Variants in KIF27 observed in about 807,000 individuals in gnomAD.
KIF27 encodes kinesin-like protein KIF27.
A neutral mutation model predicts 141.8 loss-of-function variants in KIF27; 84 were observed. That is an observed-to-expected ratio of 0.59 (90% CI 0.50 to 0.71). KIF27 has a LOEUF of 0.71. Ranked by LOEUF, KIF27 falls within the 30% of genes least tolerant of loss-of-function variation. KIF27 has a pLI of 0.00. For missense variants in KIF27, 1,306 were observed against 1,628.4 expected (o/e 0.80, Z 3.41); for synonymous variants, 471 against 569.5 (o/e 0.83, Z 2.46).
At chr9:83,907,342 T>TAAA (rs1564000641) in intron 3 of KIF27, among the ~76,000 whole-genome samples, 36 of 147,890 alleles carry the variant, frequency 2.4e-4, no homozygotes, top group African/African-American at 8.7e-4. Flanking sequence ...AAATAAATAA[T>TAAA]ATGTACATAG....
intron 11 of KIF27, among the ~76,000 whole-genome samples, chr9:83,877,209 A>G (rs1951271720): frequency 6.6e-6 from 1 of 152,166 alleles, no homozygotes; most frequent in Non-Finnish European, 1.5e-5. Context: ...TTTTGTGGTA[A>G]GAGTACCTGA....
At chr9:83,891,253 T>C (rs1397041196) in intron 6 of KIF27, 42 bp downstream of exon 6, 3 of 1,563,538 alleles carry the variant, frequency 1.9e-6, no homozygotes, top group East Asian at 4.5e-5. Flanking sequence ...TGGCTAAAAT[T>C]TTTTTAATCT....
chr9:83,920,973 C>T (rs1046748207), intron 1 of KIF27, among the ~76,000 whole-genome samples: 7 of 152,138 alleles, frequency 4.6e-5, no homozygotes, highest in Non-Finnish European at 7.4e-5. Context: ...GTGGTGGTGG[C>T]CCTCGCGTCG....
chr9:83,891,326 A>C lies in KIF27; in HGVS notation c.1778T>G (p.Ile593Ser). The C allele has an allele frequency of 6.2e-7, 1 of 1,613,442 alleles. No homozygotes were observed. Among genetic ancestry groups the C allele is most frequent in the Non-Finnish European group, 8.5e-7 (1 of 1,179,564 alleles). Reference sequence around the variant, plus strand: ...GGAATCTTGTCTTGATGGGATATAAATATAATGCCCCAAATGAGTATCAAA... The same window carrying C: ...GGAATCTTGTCTTGATGGGATATAACTATAATGCCCCAAATGAGTATCAAA... Reference protein sequence around the residue: ...VPFDTHLGHYIYIPSRQDSRK... With the variant: ...VPFDTHLGHYSYIPSRQDSRK... The change falls in exon 6 of 18, where the codon ATT becomes AGT. Residue 593 changes from isoleucine to serine, a missense_variant. Ile to Ser is a moderately radical substitution (Grantham distance 142, BLOSUM62 -2). Around this residue, in one of 4 missense-constraint regions of KIF27, gnomAD observed 596 missense variants for 751.6 expected, o/e 0.79. Transcript: ENST00000297814.
At position 83,835,150 on chromosome 9, in the gene KIF27, T is replaced by C. The variant is rs930306309; in HGVS notation, c.*1851A>G. Among the ~76,000 whole-genome samples the C allele has an allele frequency of 1.3e-5, 2 of 149,988 alleles. No homozygotes were observed. Among genetic ancestry groups the C allele is most frequent in the African/African-American group, 4.9e-5 (2 of 40,992 alleles). On this transcript the variant is annotated 3_prime_UTR_variant, in exon 18 of 18. Coordinates refer to ENST00000297814, the MANE Select transcript of KIF27 (RefSeq NM_017576.4). Reference sequence around the variant, plus strand: ...ATACAAACACATTTCCTTATATACTTGTATATGTACAAGTGTATATACATA... The same window carrying C: ...ATACAAACACATTTCCTTATATACTCGTATATGTACAAGTGTATATACATA...
At chr9:83,840,879 A>G (rs964069799) in intron 17 of KIF27, among the ~76,000 whole-genome samples, 3 of 152,146 alleles carry the variant, frequency 2.0e-5, no homozygotes, top group African/African-American at 7.2e-5. Context: ...ATACTGAACC[A>G]GCAGTCAGAA....
Position 83,903,074 on chromosome 9 carries a change from GCT to G in KIF27, c.1442_1443del (p.Glu481AlafsTer2). The stretch of plus-strand genomic sequence containing the variant: ...TGTCTAAGTACCTGGCATTTCTTAA[GCT>G]CTCTCTTCAGCTGGAGAACTGTAAC... ...QHVTVLQLKRELKKCQCVLAA... is the reference protein window; with the variant it reads ...QHVTVLQLKRXLKKCQCVLAA... On this transcript the variant is annotated frameshift_variant, in exon 4 of 18. Transcript: ENST00000297814. LOFTEE classifies it high-confidence loss of function. 5 of 1,607,602 alleles carry G rather than the reference GCT, an allele frequency of 3.1e-6. No homozygotes were observed. Among genetic ancestry groups the G allele is most frequent in the Non-Finnish European group, 4.3e-6 (5 of 1,175,342 alleles).
chr9:83,859,264 T>A lies in KIF27; in HGVS notation c.3042A>T (p.Thr1014=), dbSNP rs1949609602. The A allele has an allele frequency of 1.2e-6, 2 of 1,613,970 alleles. No homozygotes were observed. The highest frequency in any genetic ancestry group is 3.3e-5 in the Admixed American group (2 of 60,004). Reference sequence around the variant, plus strand: ...GGACTTCAACTTGTTCTGAAATCTTTGTTTTCTCCTCAGCTGTACTGGTCT... The same window carrying A: ...GGACTTCAACTTGTTCTGAAATCTTAGTTTTCTCCTCAGCTGTACTGGTCT... ...QLQTSTAEEK[T]KISEQVEVLQ... Residue 1014 remains threonine (T), a synonymous_variant, in exon 14 of 18, where the codon ACA becomes ACT. Coordinates refer to ENST00000297814, the MANE Select transcript of KIF27 (RefSeq NM_017576.4).
Position 83,850,306 on chromosome 9 carries a change from T to A in KIF27, c.3358-9A>T. On this transcript the variant is annotated splice_polypyrimidine_tract_variant and intron_variant, in intron 15 of 17. Transcript: ENST00000297814. ...TCTCGCAAATTCACCACCTAACAAATACATATTTTGACCTGTTAAGTGTGT... is the reference window on the plus strand; with the variant it reads ...TCTCGCAAATTCACCACCTAACAAAAACATATTTTGACCTGTTAAGTGTGT... 6.3e-7 allele frequency: 1 copy of A among 1,595,622 alleles called. No individual in the cohort carries two copies. Among genetic ancestry groups the A allele is most frequent in the Non-Finnish European group, 8.6e-7 (1 of 1,163,366 alleles).
chr9:83,883,419 A>G (rs1359796279), intron 10 of KIF27, among the ~76,000 whole-genome samples: 1 of 152,248 alleles, frequency 6.6e-6, no homozygotes, highest in African/African-American at 2.4e-5. Flanking sequence ...TTCTTAAGCC[A>G]ATCAGTTATG....
chr9:83,888,731 A>G, intron 7 of KIF27, 139 bp from the exon 8 acceptor site: 1 of 489,580 alleles, frequency 2.0e-6, no homozygotes, highest in Non-Finnish European at 3.5e-6. Context: ...ATATTGCTCA[A>G]AATAAAAGGA....
chr9:83,875,388 G>A (rs1370206012), intron 11 of KIF27, among the ~76,000 whole-genome samples: 2 of 152,140 alleles, frequency 1.3e-5, no homozygotes, highest in Admixed American at 1.3e-4. Flanking sequence ...AAGAGAGCAG[G>A]GAGTGGGGAA....
At chr9:83,883,401 A>G (rs1325120943) in intron 10 of KIF27, among the ~76,000 whole-genome samples, 2 of 152,234 alleles carry the variant, frequency 1.3e-5, no homozygotes, top group Admixed American at 1.3e-4. Flanking sequence ...ACACAAAGTT[A>G]TTAACCTTTC....
chr9:83,854,028 T>TAAACACACACACAC (rs1948909676), intron 14 of KIF27, among the ~76,000 whole-genome samples, 193 bp from the exon 15 acceptor site: 1 of 152,200 alleles, frequency 6.6e-6, no homozygotes, highest in Admixed American at 6.5e-5. Flanking sequence ...TACACACACA[T>TAAACACACACACAC]AAACACACAC....
Position 83,896,051 on chromosome 9 carries a change from C to CA in KIF27, c.1602+3609dup, listed in dbSNP as rs35504224. 9.6e-3 allele frequency among the ~76,000 whole-genome samples: 523 copies of CA among 54,336 alleles called. 5 individuals carry two copies. Among genetic ancestry groups the CA allele is most frequent in the East Asian group, 0.014 (22 of 1,568 alleles). The allele number at this position is 54,336 out of a possible 152,430, so 35.6% of individuals were successfully genotyped here. ...TGGATGACAGAGTGAGACTCTGTCT[C>CA]AAAAAAAAAAAAAAAAAAAAAAAAC... On this transcript the variant is annotated intron_variant, in intron 5 of 17. Transcript: ENST00000297814.
At position 83,850,139 on chromosome 9, in the gene KIF27, T is replaced by C. The variant is rs2542782; in HGVS notation, c.3516A>G (p.Glu1172=). Residue 1172 remains glutamate (E), a synonymous_variant, in exon 16 of 18, where the codon GAA becomes GAG. Coordinates refer to ENST00000297814, the MANE Select transcript of KIF27 (RefSeq NM_017576.4). ...CDRRLTLQQK[E]HEQKMQLLLH... is the part of the protein sequence containing the mutation. ...ATAGCAACTGCATCTTTTGTTCGTG[T>C]TCCTTTTGCTGGAGGGTCAGTCTCC... 1.4e-5 allele frequency: 22 copies of C among 1,614,010 alleles called. No individual in the cohort carries two copies. The African/African-American group carries it at 2.3e-4, about 17-fold the overall frequency.
At chr9:83,848,573 T>G (rs1948143156) in intron 16 of KIF27, 1 of 146,820 alleles carries the variant, frequency 6.8e-6, no homozygotes, top group East Asian at 2.0e-4. Context: ...TATAGATCTA[T>G]ATATATCATA....
chr9:83,844,125 C>G (rs376295583), intron 16 of KIF27, among the ~76,000 whole-genome samples: 5 of 152,178 alleles, frequency 3.3e-5, no homozygotes, highest in African/African-American at 9.6e-5. Context: ...CGAGACTGAC[C>G]TAGCCTCCCA....
intron 10 of KIF27, among the ~76,000 whole-genome samples, chr9:83,882,884 C>A (rs561954256): frequency 6.6e-6 from 1 of 152,150 alleles, no homozygotes; most frequent in East Asian, 1.9e-4. Flanking sequence ...TTGATGTTGA[C>A]TTGAGAAACT....
Sources: allele counts gnomAD v4.1 joint callset (sites outside exome capture counted in the v4.1 genomes callset), GRCh38; gene constraint gnomAD v4.1.1; regional missense constraint gnomAD v4.1.1; transcripts MANE v1.5; gene names NCBI Gene and HGNC (gene_info 2026-07-23, HGNC 2026-07-21).